RBL1: variants seen among roughly 807,000 people sequenced by gnomAD.
RBL1 encodes RB transcriptional corepressor like 1.
RBL1 carries 82 observed loss-of-function variants against 123.0 expected under a neutral mutation model. The observed-to-expected ratio is 0.67, with a 90% CI of 0.56 to 0.80. RBL1 has a LOEUF of 0.80. Among genes scored for constraint, RBL1 ranks in the 30% least tolerant of loss-of-function variants. RBL1 has a pLI of 0.00. For missense variants in RBL1, 1,171 were observed against 1,299.6 expected (o/e 0.90, Z 1.52); for synonymous variants, 405 against 441.3 (o/e 0.92, Z 1.03).
intron 2 of RBL1, among the ~76,000 whole-genome samples, chr20:37,085,591 C>T (rs1600606936): frequency 6.6e-6 from 1 of 151,508 alleles, no homozygotes; most frequent in Non-Finnish European, 1.5e-5. Context: ...TACATTCACA[C>T]TGTGCAACCA....
intron 19 of RBL1, among the ~76,000 whole-genome samples, chr20:37,017,639 T>TGTGTGTGTGTGA (rs2064278361): frequency 6.6e-6 from 1 of 151,498 alleles, no homozygotes; most frequent in South Asian, 2.1e-4. Context: ...TGTGTGTGTG[T>TGTGTGTGTGTGA]GTGTGTGTGT....
intron 2 of RBL1, among the ~76,000 whole-genome samples, chr20:37,075,266 C>G (rs376812611): frequency 3.7e-4 from 56 of 152,074 alleles, no homozygotes; most frequent in African/African-American, 9.9e-4. Flanking sequence ...ATGGAAATGT[C>G]CTAAAATGGA....
intron 9 of RBL1, among the ~76,000 whole-genome samples, chr20:37,059,249 T>C (rs1156855654): frequency 6.6e-6 from 1 of 152,244 alleles, no homozygotes; most frequent in Non-Finnish European, 1.5e-5. Flanking sequence ...GAGCTATTTC[T>C]GAGGCTGGAG....
At chr20:37,049,007 G>C (rs1182437877) in intron 11 of RBL1, among the ~76,000 whole-genome samples, 1 of 151,288 alleles carries the variant, frequency 6.6e-6, no homozygotes, top group Non-Finnish European at 1.5e-5. Flanking sequence ...TTCGAGACCA[G>C]CTTGGCCAAC....
At chr20:37,039,337 G>A (rs1199697009) in intron 14 of RBL1, among the ~76,000 whole-genome samples, 1 of 152,140 alleles carries the variant, frequency 6.6e-6, no homozygotes, top group Non-Finnish European at 1.5e-5. Flanking sequence ...TGGAAAAGTA[G>A]GTATTTAGCT....
intron 19 of RBL1, among the ~76,000 whole-genome samples, chr20:37,012,384 T>C (rs1431804248): frequency 1.4e-5 from 2 of 144,728 alleles, no homozygotes; most frequent in African/African-American, 2.6e-5. Flanking sequence ...ATGAGGAGCA[T>C]CTCTGCCCGG....
intron 18 of RBL1, among the ~76,000 whole-genome samples, chr20:37,019,525 CTTAT>C (rs1342208041): frequency 6.6e-6 from 1 of 152,168 alleles, no homozygotes; most frequent in Non-Finnish European, 1.5e-5. Context: ...AAACTCTTAG[CTTAT>C]CACAGGATAT....
At chr20:37,020,308 C>T (rs1159759730) in intron 18 of RBL1, among the ~76,000 whole-genome samples, 3 of 151,928 alleles carry the variant, frequency 2.0e-5, no homozygotes, top group South Asian at 2.1e-4. Flanking sequence ...AGGCTGGTCT[C>T]GAACTCCTGA....
intron 11 of RBL1, chr20:37,049,809 TC>T (rs1203887970): frequency 8.7e-6 from 4 of 457,794 alleles, no homozygotes; most frequent in Non-Finnish European, 1.5e-5. Context: ...ACACCTGTAA[TC>T]CCGGCACTTT....
intron 14 of RBL1, among the ~76,000 whole-genome samples, chr20:37,038,598 CTTT>C (rs1185859018): frequency 8.4e-5 from 10 of 118,606 alleles, no homozygotes; most frequent in Non-Finnish European, 1.4e-4. Flanking sequence ...TGTGCCTGGC[CTTT>C]TTTTTTTTTT....
intron 7 of RBL1, among the ~76,000 whole-genome samples, chr20:37,064,195 T>C (rs1416283069): frequency 1.3e-5 from 2 of 149,400 alleles, no homozygotes; most frequent in East Asian, 3.9e-4. Flanking sequence ...TGGAGTGCAG[T>C]GGTGCGATCT....
intron 9 of RBL1, among the ~76,000 whole-genome samples, chr20:37,057,032 CCTACCTACCTACCTACCTAT>C (rs2065023131): frequency 6.6e-6 from 1 of 151,702 alleles, no homozygotes; most frequent in African/African-American, 2.4e-5. Context: ...TACCTACCTA[CCTACCTACCTACCTACCTAT>C]CTACCTATCT....
At chr20:37,025,765 TGGA>T (rs2064409246) in intron 16 of RBL1, among the ~76,000 whole-genome samples, 1 of 147,448 alleles carries the variant, frequency 6.8e-6, no homozygotes, top group African/African-American at 2.5e-5. Context: ...TTTTTTGAGA[TGGA>T]GTCTTGCTCT....
chr20:37,073,510 C>A (rs544842322), intron 2 of RBL1, among the ~76,000 whole-genome samples: 1 of 151,632 alleles, frequency 6.6e-6, no homozygotes, highest in South Asian at 2.1e-4. Flanking sequence ...CCAGCCTGGG[C>A]AACATAGTGG....
chr20:37,069,447 A>G (rs201728111), intron 2 of RBL1, among the ~76,000 whole-genome samples: 11 of 142,212 alleles, frequency 7.7e-5, no homozygotes, highest in Non-Finnish European at 1.4e-4. Context: ...GTCTCTGCCC[A>G]GCCGCCCATC....
intron 19 of RBL1, among the ~76,000 whole-genome samples, chr20:37,013,905 T>C (rs1329821608): frequency 6.6e-6 from 1 of 152,148 alleles, no homozygotes; most frequent in African/African-American, 2.4e-5. Context: ...TTTTAAACAG[T>C]AATTATTTTA....
chr20:37,000,609 G>C (rs1261933396), intron 21 of RBL1, among the ~76,000 whole-genome samples: 3 of 120,766 alleles, frequency 2.5e-5, no homozygotes, highest in African/African-American at 6.4e-5. Flanking sequence ...GGTCAGCCCC[G>C]GGCCCGGCCA....
At chr20:37,050,319 A>G (rs1296370210) in intron 11 of RBL1, among the ~76,000 whole-genome samples, 1 of 151,870 alleles carries the variant, frequency 6.6e-6, no homozygotes, top group Non-Finnish European at 1.5e-5. Context: ...CGAGACGGGC[A>G]GATCACAAGG....
At chr20:37,011,993 C>T (rs2064156371) in intron 19 of RBL1, among the ~76,000 whole-genome samples, 1 of 152,236 alleles carries the variant, frequency 6.6e-6, no homozygotes, top group Non-Finnish European at 1.5e-5. Context: ...CTGCCCAGTG[C>T]CTGCGATTGC....
Sources: gnomAD v4.1 joint callset for allele counts (sites outside exome capture counted in the v4.1 genomes callset) on GRCh38, gnomAD v4.1.1 for gene constraint, MANE v1.5 for transcripts, NCBI Gene and HGNC (gene_info 2026-07-23, HGNC 2026-07-21) for gene names.